Variants in SYN3 observed in about 807,000 individuals in gnomAD.
The protein encoded by SYN3 is synapsin-3.
SYN3 carries 35 observed loss-of-function variants against 65.8 expected under a neutral mutation model. That is an observed-to-expected ratio of 0.53 (90% CI 0.41 to 0.70). The LOEUF (loss-of-function observed/expected upper bound fraction) is 0.70. Among genes scored for constraint, SYN3 ranks in the 30% least tolerant of loss-of-function variants. SYN3 has a pLI of 0.00. For missense variants in SYN3, 680 were observed against 749.0 expected (o/e 0.91, Z 1.08); for synonymous variants, 270 against 292.9 (o/e 0.92, Z 0.80).
chr22:32,538,373 T>G (rs1277184924), intron 8 of SYN3, among the ~76,000 whole-genome samples: 1 of 150,658 alleles, frequency 6.6e-6, no homozygotes, highest in Non-Finnish European at 1.5e-5. Context: ...AAAAAATGCC[T>G]ACATCATCTG....
intron 6 of SYN3, among the ~76,000 whole-genome samples, chr22:32,675,921 T>G (rs1424867163): frequency 6.6e-6 from 1 of 152,162 alleles, no homozygotes; most frequent in Non-Finnish European, 1.5e-5. Flanking sequence ...CTGCTGGTTG[T>G]TGTTGCATGA....
chr22:32,623,902 G>A (rs2059629685), intron 6 of SYN3, among the ~76,000 whole-genome samples: 1 of 152,154 alleles, frequency 6.6e-6, no homozygotes, highest in African/African-American at 2.4e-5. Flanking sequence ...GACGGGAATC[G>A]AGGACACCAA....
At chr22:32,670,400 G>T (rs2060344215) in intron 6 of SYN3, among the ~76,000 whole-genome samples, 1 of 152,326 alleles carries the variant, frequency 6.6e-6, no homozygotes, top group Non-Finnish European at 1.5e-5. Context: ...GGGGGGAAAA[G>T]ATCCTGCTTA....
chr22:32,868,197 T>C (rs909365386), intron 5 of SYN3, among the ~76,000 whole-genome samples: 2 of 152,080 alleles, frequency 1.3e-5, no homozygotes, highest in East Asian at 1.9e-4. Context: ...ACAATAATGA[T>C]AGAATGTTCA....
chr22:33,056,373 TC>T (rs1453120006), intron 1 of SYN3, among the ~76,000 whole-genome samples: 1 of 151,932 alleles, frequency 6.6e-6, no homozygotes, highest in East Asian at 1.9e-4. Context: ...AATGCTCAAC[TC>T]CCCCTCCAAG....
At chr22:32,603,857 G>A (rs2059324160) in intron 6 of SYN3, among the ~76,000 whole-genome samples, 1 of 152,264 alleles carries the variant, frequency 6.6e-6, no homozygotes, top group Non-Finnish European at 1.5e-5. Context: ...GCACTCCAGA[G>A]TGCAGCACTG....
At chr22:32,950,695 C>T (rs954649761) in intron 3 of SYN3, among the ~76,000 whole-genome samples, 2 of 152,098 alleles carry the variant, frequency 1.3e-5, no homozygotes, top group African/African-American at 4.8e-5. Flanking sequence ...GGTTTGGCTT[C>T]AAGGGAGGGT....
chr22:32,646,799 C>T (rs1412057461), intron 6 of SYN3, among the ~76,000 whole-genome samples: 3 of 152,156 alleles, frequency 2.0e-5, no homozygotes, highest in Non-Finnish European at 2.9e-5. Context: ...TGCAGAAATA[C>T]AAGAATAGCA....
chr22:33,051,715 A>G (rs1250529255), intron 1 of SYN3, among the ~76,000 whole-genome samples: 2 of 152,158 alleles, frequency 1.3e-5, no homozygotes, highest in Non-Finnish European at 2.9e-5. Flanking sequence ...GGTCCCCCCA[A>G]ATGACATGAT....
intron 1 of SYN3, among the ~76,000 whole-genome samples, chr22:33,044,878 T>C (rs2054031460): frequency 6.6e-6 from 1 of 151,388 alleles, no homozygotes; most frequent in Non-Finnish European, 1.5e-5. Flanking sequence ...GTTTCGCTCT[T>C]GTTGCCCAGG....
chr22:33,001,478 G>A (rs2053057755), intron 2 of SYN3, among the ~76,000 whole-genome samples: 1 of 152,168 alleles, frequency 6.6e-6, no homozygotes, highest in Admixed American at 6.5e-5. Context: ...GGACCTACAG[G>A]GAAGAGTGAC....
chr22:32,596,999 A>G (rs1304056348), intron 6 of SYN3, among the ~76,000 whole-genome samples: 1 of 152,136 alleles, frequency 6.6e-6, no homozygotes, highest in Non-Finnish European at 1.5e-5. Context: ...GGGACAAACC[A>G]ACTGGTTTCC....
intron 6 of SYN3, among the ~76,000 whole-genome samples, chr22:32,645,001 T>C (rs919797614): frequency 1.3e-5 from 2 of 151,940 alleles, no homozygotes; most frequent in Non-Finnish European, 2.9e-5. Flanking sequence ...GAAAGGGTGG[T>C]GAGAGGTGGC....
chr22:32,733,950 T>C (rs1227300413), intron 6 of SYN3, among the ~76,000 whole-genome samples: 1 of 81,226 alleles, frequency 1.2e-5, no homozygotes, highest in Non-Finnish European at 2.4e-5. Context: ...GGACTGACAA[T>C]TATTCAAAAG....
chr22:32,752,813 G>C (rs2045170990), intron 6 of SYN3, among the ~76,000 whole-genome samples: 1 of 152,228 alleles, frequency 6.6e-6, no homozygotes, highest in Non-Finnish European at 1.5e-5. Context: ...CTGAAGTGCA[G>C]AGTGGTGAAT....
intron 7 of SYN3, among the ~76,000 whole-genome samples, chr22:32,571,383 G>A (rs558592236): frequency 6.6e-6 from 1 of 152,258 alleles, no homozygotes; most frequent in South Asian, 2.1e-4. Flanking sequence ...CAGGAGCTTG[G>A]ATTTATGTGG....
intron 3 of SYN3, among the ~76,000 whole-genome samples, chr22:32,934,530 T>C (rs2050721700): frequency 6.6e-6 from 1 of 152,230 alleles, no homozygotes; most frequent in African/African-American, 2.4e-5. Flanking sequence ...AAGGGCATTC[T>C]TCTGTTATTT....
intron 6 of SYN3, among the ~76,000 whole-genome samples, chr22:32,819,371 A>G (rs2047174296): frequency 6.6e-6 from 1 of 152,250 alleles, no homozygotes; most frequent in Admixed American, 6.5e-5. Flanking sequence ...CTCGAGGCCC[A>G]GCCCGGCCCC....
chr22:32,527,747 T>A (rs963204315), intron 12 of SYN3, 171 bp downstream of exon 12: 5 of 583,652 alleles, frequency 8.6e-6, no homozygotes, highest in Non-Finnish European at 1.5e-5. Flanking sequence ...TCCCTTCTCC[T>A]TTCTTGACTT....
Sources: allele counts gnomAD v4.1 joint callset (sites outside exome capture counted in the v4.1 genomes callset), GRCh38; gene constraint gnomAD v4.1.1; transcripts MANE v1.5; gene names NCBI Gene and HGNC (gene_info 2026-07-23, HGNC 2026-07-21).